OXR1: variants seen among roughly 807,000 people sequenced by gnomAD.
OXR1 encodes the protein oxidation resistance protein 1.
A neutral mutation model predicts 104.6 loss-of-function variants in OXR1; 41 were observed. The ratio of observed to expected loss-of-function variants is 0.39; its 90% CI spans 0.31 to 0.51. The LOEUF (loss-of-function observed/expected upper bound fraction) is 0.51. Among genes scored for constraint, OXR1 ranks in the 20% least tolerant of loss-of-function variants. OXR1 has a pLI of 0.77. For synonymous variants in OXR1, 348 were observed against 348.4 expected (o/e 1.00, Z 0.01); for missense variants, 955 against 1,031.9 (o/e 0.93, Z 1.02).
chr8:106,704,676 G>T (rs1344638872), intron 8 of OXR1, among the ~76,000 whole-genome samples: 1 of 151,892 alleles, frequency 6.6e-6, no homozygotes, highest in Non-Finnish European at 1.5e-5. Flanking sequence ...GAGATTATAG[G>T]TGTGAGCCAC....
At chr8:106,285,576 A>T (rs1812461140) in intron 1 of OXR1, among the ~76,000 whole-genome samples, 1 of 151,934 alleles carries the variant, frequency 6.6e-6, no homozygotes, top group African/African-American at 2.4e-5. Context: ...GCTTGTGCTG[A>T]AACAGCTGGC....
At chr8:106,517,311 C>A (rs1586747953) in intron 2 of OXR1, among the ~76,000 whole-genome samples, 1 of 152,216 alleles carries the variant, frequency 6.6e-6, no homozygotes, top group South Asian at 2.1e-4. Flanking sequence ...TATCTGGATT[C>A]TTTGCTCAAA....
chr8:106,660,905 C>G (rs376417750), intron 3 of OXR1, among the ~76,000 whole-genome samples: 2 of 151,988 alleles, frequency 1.3e-5, no homozygotes, highest in South Asian at 2.1e-4. Context: ...CCCAGCTACC[C>G]GGGAGGCTGA....
intron 2 of OXR1, among the ~76,000 whole-genome samples, chr8:106,482,051 CATTT>C (rs1822155601): frequency 6.6e-6 from 1 of 152,010 alleles, no homozygotes. Flanking sequence ...ATTAAACAGA[CATTT>C]ATTGGGTGCC....
rs370006795 is a variant in OXR1, at chr8:106,649,858, A to G, written c.221-29352A>G. On this transcript the variant is annotated intron_variant, in intron 3 of 16. Transcript: ENST00000517566. ...ACTACAGGCACCCACCGCCACGCCC[A>G]GCTAATTTTTTGTATTTTTAGTAGA... Among the ~76,000 whole-genome samples, 17 of 152,046 alleles carry G rather than the reference A, an allele frequency of 1.1e-4. No individual in the cohort carries two copies. In the East Asian group the frequency reaches 2.1e-3, roughly 19 times the overall value.
intron 2 of OXR1, among the ~76,000 whole-genome samples, chr8:106,489,750 C>T (rs1810951763): frequency 6.6e-6 from 1 of 152,042 alleles, no homozygotes; most frequent in Non-Finnish European, 1.5e-5. Flanking sequence ...ATGAAAAATA[C>T]TTGCATTCTG....
chr8:106,623,413 G>C (rs1031260068), intron 3 of OXR1, among the ~76,000 whole-genome samples: 1 of 151,800 alleles, frequency 6.6e-6, no homozygotes. Context: ...CTAGGGAAAA[G>C]TATGAAATGA....
intron 2 of OXR1, among the ~76,000 whole-genome samples, chr8:106,495,998 C>T (rs77158634): frequency 0.054 from 8,231 of 152,110 alleles, 295 homozygotes; most frequent in African/African-American, 0.093. Flanking sequence ...TCATTATCTG[C>T]ATTTATAATA....
intron 3 of OXR1, among the ~76,000 whole-genome samples, chr8:106,549,244 AT>A (rs11420902): frequency 0.014 from 1,983 of 144,022 alleles, 14 homozygotes; most frequent in African/African-American, 0.029. Flanking sequence ...CATATCAAAC[AT>A]TTTTTTTTTT....
chr8:106,658,325 G>T, intron 3 of OXR1: 1 of 1,024,192 alleles, frequency 9.8e-7, no homozygotes, highest in Non-Finnish European at 1.2e-6. Context: ...CGTGGCCGGG[G>T]TGGCGGCCGC....
At chr8:106,378,485 C>T (rs1436905261) in intron 2 of OXR1, among the ~76,000 whole-genome samples, 2 of 152,128 alleles carry the variant, frequency 1.3e-5, no homozygotes, top group Non-Finnish European at 2.9e-5. Flanking sequence ...TAATCTCATT[C>T]GCTGACATCT....
intron 3 of OXR1, among the ~76,000 whole-genome samples, chr8:106,563,006 A>G (rs530688347): frequency 2.4e-4 from 37 of 152,340 alleles, no homozygotes; most frequent in Non-Finnish European, 3.5e-4. Flanking sequence ...GTTATCAGCC[A>G]CTGCAAAAAG....
chr8:106,674,904 G>A (rs1827408259), intron 3 of OXR1, among the ~76,000 whole-genome samples: 1 of 152,120 alleles, frequency 6.6e-6, no homozygotes, highest in African/African-American at 2.4e-5. Flanking sequence ...ATGTGGAACT[G>A]TCAGTCAATT....
rs922203775 is a variant in OXR1 at position 106,523,773 on chromosome 8, G to A, written c.220+4634G>A. ...ATAGGTAAATAGAAGAAAATGGAGT[G>A]GAAATTTTTTTTTTTTTTTGAGACG... On this transcript the variant is annotated intron_variant, in intron 3 of 16. Transcript: ENST00000517566. 6.8e-5 allele frequency among the ~76,000 whole-genome samples: 10 copies of A among 147,458 alleles called. 1 individual carries two copies. Among genetic ancestry groups the A allele is most frequent in the Admixed American group, 4.8e-4 (7 of 14,472 alleles).
intron 2 of OXR1, among the ~76,000 whole-genome samples, chr8:106,475,705 A>G (rs1229955500): frequency 6.6e-6 from 1 of 151,678 alleles, no homozygotes; most frequent in Non-Finnish European, 1.5e-5. Flanking sequence ...CCCTTCTGCC[A>G]GATTTTCTAA....
rs137976589 is a variant in OXR1, at chr8:106,377,737, A to G, written c.23+18101A>G. ...AGGGCAGCAGTAAATCATTAAACAA[A>G]CATTATATTCATTTCCTGTTCTACC... On this transcript the variant is annotated intron_variant, in intron 2 of 16. Coordinates refer to ENST00000517566, the MANE Select transcript of OXR1 (RefSeq NM_001198533.2). Among the ~76,000 whole-genome samples the G allele has an allele frequency of 2.5e-3, 380 of 152,338 alleles. 8 individuals carry two copies. The highest frequency in any genetic ancestry group is 0.023 in the Admixed American group (357 of 15,298).
intron 2 of OXR1, among the ~76,000 whole-genome samples, chr8:106,482,879 A>G (rs190210643): frequency 2.0e-5 from 3 of 152,172 alleles, no homozygotes; most frequent in Admixed American, 2.0e-4. Flanking sequence ...AGTAATGAGT[A>G]CAGAGTGTCT....
chr8:106,492,899 G>C (rs994849396), intron 2 of OXR1, among the ~76,000 whole-genome samples: 22 of 152,060 alleles, frequency 1.4e-4, no homozygotes, highest in Non-Finnish European at 2.9e-5. Flanking sequence ...GAAGATCTGG[G>C]GGATAGACAG....
intron 2 of OXR1, among the ~76,000 whole-genome samples, chr8:106,419,173 G>C (rs776073202): frequency 6.6e-6 from 1 of 152,114 alleles, no homozygotes; most frequent in Non-Finnish European, 1.5e-5. Context: ...TGAGAGTTGT[G>C]ACTGCTGTGA....
Sources: allele counts gnomAD v4.1 joint callset (sites outside exome capture counted in the v4.1 genomes callset), GRCh38; gene constraint gnomAD v4.1.1; transcripts MANE v1.5; gene names NCBI Gene and HGNC (gene_info 2026-07-23, HGNC 2026-07-21).